The following RAD9B variants were observed in gnomAD, a reference collection of about 807,000 sequenced individuals.
RAD9B encodes cell cycle checkpoint control protein RAD9B.
RAD9B carries 41 observed loss-of-function variants against 48.3 expected under a neutral mutation model. That is an observed-to-expected ratio of 0.85 (90% confidence interval 0.66 to 1.10). RAD9B has a LOEUF of 1.10. Ranked by LOEUF, RAD9B falls within the 50% of genes least tolerant of loss-of-function variation. The pLI is 0.00. For missense variants in RAD9B, 444 were observed against 485.1 expected (o/e 0.92, Z 0.80); for synonymous variants, 160 against 157.9 (o/e 1.01, Z -0.10).
At chr12:110,519,096 A>G (rs2063696007) in intron 8 of RAD9B, among the ~76,000 whole-genome samples, 158 bp downstream of exon 8, 1 of 152,084 alleles carries the variant, frequency 6.6e-6, no homozygotes, top group Non-Finnish European at 1.5e-5. Flanking sequence ...AAAACATGGC[A>G]TTTAAAATTT....
At chr12:110,513,234 C>T (rs1387496793) in intron 5 of RAD9B, among the ~76,000 whole-genome samples, 1 of 151,434 alleles carries the variant, frequency 6.6e-6, no homozygotes, top group Non-Finnish European at 1.5e-5. Flanking sequence ...CCCTAAAGTG[C>T]TGGTATTACA....
At chr12:110,502,552 G>A in intron 1 of RAD9B, 169 bp downstream of exon 1, 2 of 690,972 alleles carry the variant, frequency 2.9e-6, no homozygotes, top group Non-Finnish European at 4.9e-6. Flanking sequence ...TCTGAGGGGA[G>A]GATGAGGACC....
chr12:110,517,493 G>A (rs1022375081), intron 6 of RAD9B, among the ~76,000 whole-genome samples: 5 of 151,940 alleles, frequency 3.3e-5, no homozygotes, highest in African/African-American at 1.2e-4. Flanking sequence ...ACGTGGTGGT[G>A]TGTGCCTATA....
chr12:110,517,827 T>C (rs1339988393), intron 6 of RAD9B, among the ~76,000 whole-genome samples: 1 of 146,602 alleles, frequency 6.8e-6, no homozygotes, highest in African/African-American at 2.5e-5. Context: ...CATGGAAAAA[T>C]AGCCAAGATA....
chr12:110,524,697 C>T (rs748666887), intron 10 of RAD9B, among the ~76,000 whole-genome samples: 4 of 151,776 alleles, frequency 2.6e-5, no homozygotes, highest in Non-Finnish European at 5.9e-5. Context: ...GTCAAGAGAT[C>T]GAGACCATCC....
intron 9 of RAD9B, among the ~76,000 whole-genome samples, chr12:110,520,628 C>CTTTTTTTT (rs71083129): frequency 1.2e-3 from 115 of 99,880 alleles, no homozygotes; most frequent in East Asian, 1.6e-3. Context: ...TTCTTGCTTT[C>CTTTTTTTT]TTTTTTTTTT....
intron 4 of RAD9B, among the ~76,000 whole-genome samples, chr12:110,510,459 T>C (rs2063425942): frequency 6.6e-6 from 1 of 152,200 alleles, no homozygotes; most frequent in African/African-American, 2.4e-5. Context: ...ATAAGTGTTA[T>C]TGTGTGAGTT....
At chr12:110,504,608 C>T (rs1157336232) in intron 2 of RAD9B, among the ~76,000 whole-genome samples, 1 of 152,094 alleles carries the variant, frequency 6.6e-6, no homozygotes, top group African/African-American at 2.4e-5. Context: ...AATGGTTTCC[C>T]CGCTTAGACA....
chr12:110,519,677 C>A, intron 8 of RAD9B, 117 bp from the exon 9 acceptor site: 1 of 1,113,426 alleles, frequency 9.0e-7, no homozygotes, highest in Non-Finnish European at 1.3e-6. Flanking sequence ...CTCAGATGAT[C>A]CACCCGCCTT....
In RAD9B at chr12:110,531,874, T is replaced by C. The variant is rs1565909615; in HGVS notation, c.*1221T>C. 2 of 458,844 alleles carry C rather than the reference T, an allele frequency of 4.4e-6. No individual in the cohort carries two copies. Among genetic ancestry groups the C allele is most frequent in the Non-Finnish European group, 7.7e-6 (2 of 260,014 alleles). The allele number at this position is 458,844 out of a possible 1,614,324, so 28.4% of individuals were successfully genotyped here. On this transcript the variant is annotated 3_prime_UTR_variant, in exon 11 of 11. Coordinates refer to ENST00000409300, the MANE Select transcript of RAD9B (RefSeq NM_001286535.2). The stretch of plus-strand genomic sequence containing the variant: ...TTTTGTAACATATTATTGTTACATC[T>C]TTCTGAAACCTTCAAACCGTAAGGA...
chr12:110,530,439 G>T (rs1208107783), intron 10 of RAD9B, 86 bp from the exon 11 acceptor site: 5 of 1,256,018 alleles, frequency 4.0e-6, no homozygotes, highest in Non-Finnish European at 5.7e-6. Context: ...TACTGGTCAG[G>T]TTTCTGAGGA....
intron 3 of RAD9B, 76 bp downstream of exon 3, chr12:110,505,848 C>CAGGTTTAATAGTT (rs2063247891): frequency 8.9e-7 from 1 of 1,127,904 alleles, no homozygotes; most frequent in East Asian, 2.6e-5. Flanking sequence ...GTATTCTATA[C>CAGGTTTAATAGTT]TTAATAGTTT....
At chr12:110,520,257 G>C (rs1282289545) in intron 9 of RAD9B, among the ~76,000 whole-genome samples, 1 of 152,192 alleles carries the variant, frequency 6.6e-6, no homozygotes, top group Non-Finnish European at 1.5e-5. Flanking sequence ...GCCCAGGCTT[G>C]AGTGCTCTGG....
rs1490220763 is a variant in RAD9B, at chr12:110,506,624, A to G, written c.319A>G (p.Ile107Val). 1 of 1,605,650 alleles carries G rather than the reference A, an allele frequency of 6.2e-7. No homozygotes were observed. The highest frequency in any genetic ancestry group is 1.1e-5 in the South Asian group (1 of 90,818). The change falls in exon 4 of 11, where the codon ATA becomes GTA. Residue 107 changes from isoleucine to valine, a missense_variant. By Grantham distance (29) the Ile-to-Val change is conservative. Coordinates refer to ENST00000409300, the MANE Select transcript of RAD9B (RefSeq NM_001286535.2). ...ATGTCTGAATTCCCTTGAAAGAAAT[A>G]TAGAGAAGTGCAGAATATTCACCAG... is the stretch of plus-strand genomic sequence containing the variant. ...FRCLNSLERNIEKCRIFTRSD... is the reference protein window; with the variant it reads ...FRCLNSLERNVEKCRIFTRSD...
intron 10 of RAD9B, among the ~76,000 whole-genome samples, chr12:110,528,486 A>G (rs1160306591): frequency 1.3e-5 from 2 of 152,236 alleles, no homozygotes; most frequent in Non-Finnish European, 2.9e-5. Context: ...ACAGCTCTAC[A>G]CCAAAGACTC....
In RAD9B at chr12:110,531,678, A is replaced by G; in HGVS notation, c.*1025A>G. 1 of 1,572,632 alleles carries G rather than the reference A, an allele frequency of 6.4e-7. No homozygotes were observed. Among genetic ancestry groups the G allele is most frequent in the South Asian group, 1.1e-5 (1 of 89,346 alleles). On this transcript the variant is annotated 3_prime_UTR_variant, in exon 11 of 11. Transcript: ENST00000409300. ...CAAGACAGCCTGAGTTTGGAGTGGA[A>G]TAAGGTGGAAGACAAATGTCTCTGT...
At chr12:110,508,440 T>C (rs2063358537) in intron 4 of RAD9B, among the ~76,000 whole-genome samples, 1 of 152,198 alleles carries the variant, frequency 6.6e-6, no homozygotes, top group Non-Finnish European at 1.5e-5. Context: ...TTGAGTCATG[T>C]CCAGTAAGTA....
intron 10 of RAD9B, among the ~76,000 whole-genome samples, chr12:110,525,362 G>A (rs573445434): frequency 1.3e-5 from 2 of 152,046 alleles, no homozygotes; most frequent in South Asian, 2.1e-4. Flanking sequence ...CTGACCTCAA[G>A]TGATCCGCCC....
At chr12:110,511,014 A>G (rs2063441965) in intron 4 of RAD9B, among the ~76,000 whole-genome samples, 1 of 152,148 alleles carries the variant, frequency 6.6e-6, no homozygotes, top group Admixed American at 6.6e-5. Flanking sequence ...AGAGAAAAGA[A>G]AAGAAAAGAA....
Sources: gnomAD v4.1 joint callset for allele counts (sites outside exome capture counted in the v4.1 genomes callset) on GRCh38, gnomAD v4.1.1 for gene constraint, MANE v1.5 for transcripts, NCBI Gene and HGNC (gene_info 2026-07-23, HGNC 2026-07-21) for gene names.